The following CSMD1 variants were observed in gnomAD, a reference collection of about 807,000 sequenced individuals.
The protein encoded by CSMD1 is CUB and sushi domain-containing protein 1.
In CSMD1, 213 loss-of-function variants were observed where a neutral mutation model predicts 417.5. The observed-to-expected ratio is 0.51, with a 90% CI of 0.46 to 0.57. The LOEUF is 0.57. Among genes scored for constraint, CSMD1 ranks in the 20% least tolerant of loss-of-function variants. The pLI is 0.00. For synonymous variants in CSMD1, 2,862 were observed against 1,736.8 expected (o/e 1.65, Z -16.11); for missense variants, 6,923 against 4,529.7 (o/e 1.53, Z -15.17).
chr8:4,337,765 G>A (rs10102768), intron 3 of CSMD1, among the ~76,000 whole-genome samples: 23,583 of 152,052 alleles, frequency 0.16, 2,051 homozygotes, highest in Middle Eastern at 0.21. Flanking sequence ...TTTACATTGG[G>A]CTGGAGTTAT....
At chr8:4,086,968 C>T (rs561972252) in intron 3 of CSMD1, among the ~76,000 whole-genome samples, 127 of 152,306 alleles carry the variant, frequency 8.3e-4, no homozygotes, top group South Asian at 4.1e-4. Context: ...TACCAGATTG[C>T]TCTGAGCTTC....
chr8:4,147,866 C>A (rs1384893121), intron 3 of CSMD1, among the ~76,000 whole-genome samples: 3 of 152,074 alleles, frequency 2.0e-5, no homozygotes, highest in African/African-American at 7.2e-5. Flanking sequence ...GGTAGCTGAG[C>A]TTCATGGAAT....
rs1211477367 is a variant in CSMD1, at chr8:3,556,417, A to ATATATATT, written c.1344+18527_1344+18528insAATATATA. ...AATATATATATATATATATATATTC[A>ATATATATT]CACACACAAAGAATTTATGAGGGAT... On this transcript the variant is annotated intron_variant, in intron 10 of 69. Transcript: ENST00000635120. 3.6e-3 allele frequency among the ~76,000 whole-genome samples: 523 copies of ATATATATT among 145,134 alleles called. 2 individuals carry two copies. The highest frequency in any genetic ancestry group is 6.3e-3 in the Non-Finnish European group (419 of 66,610).
chr8:4,194,547 T>C (rs970720890), intron 3 of CSMD1, among the ~76,000 whole-genome samples: 8 of 152,204 alleles, frequency 5.3e-5, no homozygotes, highest in Admixed American at 2.6e-4. Flanking sequence ...TATTATAATG[T>C]TGGCAACAGC....
At chr8:4,371,596 T>C (rs1802400132) in intron 3 of CSMD1, among the ~76,000 whole-genome samples, 1 of 152,212 alleles carries the variant, frequency 6.6e-6, no homozygotes, top group Admixed American at 6.5e-5. Context: ...AATGCTGATT[T>C]CTCTGCTTCA....
At chr8:4,535,896 T>A (rs1041626116) in intron 2 of CSMD1, among the ~76,000 whole-genome samples, 1 of 152,246 alleles carries the variant, frequency 6.6e-6, no homozygotes, top group African/African-American at 2.4e-5. Context: ...TTTACTTTTA[T>A]AATTAACTCT....
chr8:4,201,767 T>C lies in CSMD1; in HGVS notation c.416-169668A>G, dbSNP rs551590566. On this transcript the variant is annotated intron_variant, in intron 3 of 69. Coordinates refer to ENST00000635120, the MANE Select transcript of CSMD1 (RefSeq NM_033225.6). ...GGATACATGGACTCTTGAGAGTCTATGAAGGGAGGTTTATGTACCTAACCT... is the reference window on the plus strand; with the variant it reads ...GGATACATGGACTCTTGAGAGTCTACGAAGGGAGGTTTATGTACCTAACCT... 1.7e-4 allele frequency among the ~76,000 whole-genome samples: 26 copies of C among 151,958 alleles called. 1 individual carries two copies. The South Asian group carries it at 5.0e-3, about 29-fold the overall frequency.
chr8:4,206,180 G>C (rs567790588), intron 3 of CSMD1, among the ~76,000 whole-genome samples: 2 of 151,956 alleles, frequency 1.3e-5, no homozygotes, highest in African/African-American at 2.4e-5. Flanking sequence ...AATACATGCT[G>C]AAAAATGAGG....
chr8:4,975,555 G>A (rs1056351078), intron 1 of CSMD1, among the ~76,000 whole-genome samples: 4 of 152,170 alleles, frequency 2.6e-5, no homozygotes, highest in African/African-American at 9.7e-5. Flanking sequence ...GCCCAGGAAG[G>A]TCCCAAAACT....
At chr8:4,496,849 A>C (rs941930768) in intron 2 of CSMD1, among the ~76,000 whole-genome samples, 2 of 152,132 alleles carry the variant, frequency 1.3e-5, no homozygotes, top group Non-Finnish European at 2.9e-5. Flanking sequence ...GAGTTCACAG[A>C]AGGTTTACAA....
At chr8:4,461,528 C>CA (rs1460867389) in intron 2 of CSMD1, among the ~76,000 whole-genome samples, 1 of 86,450 alleles carries the variant, frequency 1.2e-5, no homozygotes, top group African/African-American at 4.7e-5. Context: ...GATGAATATG[C>CA]AAAAATCCAT....
intron 49 of CSMD1, among the ~76,000 whole-genome samples, chr8:3,085,977 T>C (rs1482769522): frequency 6.6e-6 from 1 of 152,086 alleles, no homozygotes; most frequent in East Asian, 1.9e-4. Flanking sequence ...TTCTGCCCAT[T>C]CCACCGAATC....
chr8:3,758,506 C>T (rs1361941873), intron 5 of CSMD1, among the ~76,000 whole-genome samples: 2 of 152,148 alleles, frequency 1.3e-5, no homozygotes, highest in Non-Finnish European at 2.9e-5. Flanking sequence ...TCGCTGTCTA[C>T]AGGGCCAGGA....
At chr8:4,743,561 C>G (rs1396383548) in intron 1 of CSMD1, among the ~76,000 whole-genome samples, 1 of 152,168 alleles carries the variant, frequency 6.6e-6, no homozygotes, top group Non-Finnish European at 1.5e-5. Flanking sequence ...TCATTAACCA[C>G]AGAGAGTGGC....
At chr8:4,675,504 G>C (rs1563118890) in intron 1 of CSMD1, among the ~76,000 whole-genome samples, 1 of 152,074 alleles carries the variant, frequency 6.6e-6, no homozygotes, top group Non-Finnish European at 1.5e-5. Flanking sequence ...AATCAAACCA[G>C]AATCAAGACT....
intron 1 of CSMD1, among the ~76,000 whole-genome samples, chr8:4,917,966 T>C (rs1426814816): frequency 6.6e-6 from 1 of 152,180 alleles, no homozygotes. Context: ...GTCTATTTAG[T>C]AGAGTGAGTA....
At chr8:4,738,699 T>G (rs1336865059) in intron 1 of CSMD1, among the ~76,000 whole-genome samples, 4 of 152,192 alleles carry the variant, frequency 2.6e-5, no homozygotes, top group Admixed American at 2.6e-4. Flanking sequence ...TTATATAAAT[T>G]TTCATTGATA....
chr8:3,738,565 G>T (rs374997395), intron 6 of CSMD1, among the ~76,000 whole-genome samples: 1 of 152,114 alleles, frequency 6.6e-6, no homozygotes, highest in Non-Finnish European at 1.5e-5. Flanking sequence ...CCTTTTCAGG[G>T]CTCTGTGCTC....
chr8:3,809,080 T>C lies in CSMD1; in HGVS notation c.819-55038A>G, dbSNP rs554040210. On this transcript the variant is annotated intron_variant, in intron 5 of 69. Coordinates refer to ENST00000635120, the MANE Select transcript of CSMD1 (RefSeq NM_033225.6). ...AGCCCCTGGGGAATCACGCAGCTTC[T>C]ATCATATATGACAACCTGCCACCGG... Among the ~76,000 whole-genome samples the C allele has an allele frequency of 7.9e-5, 12 of 152,290 alleles. No individual in the cohort carries two copies. The South Asian group carries it at 2.5e-3, about 32-fold the overall frequency.
Sources: allele counts gnomAD v4.1 joint callset (sites outside exome capture counted in the v4.1 genomes callset), GRCh38; gene constraint gnomAD v4.1.1; transcripts MANE v1.5; gene names NCBI Gene and HGNC (gene_info 2026-07-23, HGNC 2026-07-21).